Variants in RBFOX1 observed in about 807,000 individuals in gnomAD.
RBFOX1 encodes RNA binding protein fox-1 homolog 1.
Under a neutral mutation model 57.7 loss-of-function variants are expected in RBFOX1, and 8 were observed. The observed-to-expected ratio is 0.14, with a 90% CI of 0.08 to 0.25. The LOEUF is 0.25. Among genes scored for constraint, RBFOX1 ranks in the 10% least tolerant of loss-of-function variants. The pLI is 1.00. For missense variants in RBFOX1, 611 were observed against 548.5 expected (o/e 1.11, Z -1.14); for synonymous variants, 326 against 222.4 (o/e 1.47, Z -4.15).
intron 2 of RBFOX1, among the ~76,000 whole-genome samples, chr16:6,440,305 A>G (rs2153024855): frequency 6.6e-6 from 1 of 152,248 alleles, no homozygotes; most frequent in Non-Finnish European, 1.5e-5. Flanking sequence ...GATATTGAAG[A>G]GAAAATAAAG....
In RBFOX1 at chr16:6,173,487, C is replaced by T. The variant is rs1025539230; in HGVS notation, c.-126-143508C>T. 2.0e-5 allele frequency among the ~76,000 whole-genome samples: 3 copies of T among 152,080 alleles called. No individual in the cohort carries two copies. The East Asian group carries it at 5.8e-4, about 29-fold the overall frequency. On this transcript the variant is annotated intron_variant, in intron 1 of 15. Transcript: ENST00000550418. Reference sequence around the variant, plus strand: ...CACACATAGACACACACACACTCCACTCACCAGTGGATATTGTTTCTAGAT... The same window carrying T: ...CACACATAGACACACACACACTCCATTCACCAGTGGATATTGTTTCTAGAT...
chr16:5,719,521 T>C (rs1449573756), intron 3 of RBFOX1, among the ~76,000 whole-genome samples: 1 of 151,986 alleles, frequency 6.6e-6, no homozygotes, highest in East Asian at 1.9e-4. Context: ...TTTTTTATTA[T>C]TAACCAAAAT....
At chr16:5,977,942 C>G (rs1229378112) in intron 4 of RBFOX1, among the ~76,000 whole-genome samples, 4 of 151,694 alleles carry the variant, frequency 2.6e-5, no homozygotes, top group African/African-American at 9.7e-5. Flanking sequence ...TCCATGATAT[C>G]CAGACATTGC....
At chr16:7,550,978 C>T (rs2086230859) in intron 5 of RBFOX1, among the ~76,000 whole-genome samples, 1 of 150,730 alleles carries the variant, frequency 6.6e-6, no homozygotes, top group African/African-American at 2.4e-5. Context: ...CCTGTAATCC[C>T]AGCTACTCAG....
intron 1 of RBFOX1, among the ~76,000 whole-genome samples, chr16:6,102,318 G>A (rs998337077): frequency 4.8e-4 from 73 of 152,008 alleles, no homozygotes; most frequent in African/African-American, 1.7e-3. Context: ...CATTAGGTCT[G>A]TAGTAAGAGT....
At chr16:5,547,106 C>G (rs948439269) in intron 2 of RBFOX1, among the ~76,000 whole-genome samples, 7 of 152,162 alleles carry the variant, frequency 4.6e-5, no homozygotes, top group African/African-American at 1.7e-4. Flanking sequence ...CACACCAAGT[C>G]TTGGCAAGGA....
At chr16:6,847,835 C>T (rs888395983) in intron 3 of RBFOX1, among the ~76,000 whole-genome samples, 5 of 151,900 alleles carry the variant, frequency 3.3e-5, no homozygotes, top group African/African-American at 9.7e-5. Flanking sequence ...CCAAGACTTC[C>T]TTTTGGTGGT....
intron 4 of RBFOX1, among the ~76,000 whole-genome samples, chr16:7,274,538 C>G (rs1046166202): frequency 3.9e-5 from 6 of 152,114 alleles, no homozygotes; most frequent in Admixed American, 1.3e-4. Context: ...CTGCTCTGTA[C>G]TTGCTTCTGA....
intron 1 of RBFOX1, among the ~76,000 whole-genome samples, chr16:5,339,894 G>T (rs1217634988): frequency 6.6e-6 from 1 of 152,138 alleles, no homozygotes; most frequent in East Asian, 1.9e-4. Context: ...GGCTGCAGAG[G>T]TCATGGGAGG....
chr16:5,538,966 G>A (rs953337841), intron 2 of RBFOX1, among the ~76,000 whole-genome samples: 1 of 152,114 alleles, frequency 6.6e-6, no homozygotes, highest in African/African-American at 2.4e-5. Context: ...AGCCAATCGT[G>A]TGAAACCCAT....
chr16:6,581,438 C>T (rs902704674), intron 2 of RBFOX1, among the ~76,000 whole-genome samples: 2 of 152,172 alleles, frequency 1.3e-5, no homozygotes, highest in Non-Finnish European at 2.9e-5. Flanking sequence ...TTCCTTCCCC[C>T]AGCTGTGTTG....
At chr16:7,564,299 G>T (rs1177748995) in intron 5 of RBFOX1, among the ~76,000 whole-genome samples, 1 of 151,952 alleles carries the variant, frequency 6.6e-6, no homozygotes, top group East Asian at 1.9e-4. Context: ...CAGCACTTTG[G>T]GACGCAGAGG....
In RBFOX1 at chr16:7,538,348, T is replaced by C. The variant is rs528757177; in HGVS notation, c.270+19959T>C. The stretch of plus-strand genomic sequence containing the variant: ...CATTAGCCCATAGCTGCTACTATTA[T>C]GCTACTTTTCCTATGGTGTCCACTG... On this transcript the variant is annotated intron_variant, in intron 5 of 15. Transcript: ENST00000550418. Among the ~76,000 whole-genome samples the C allele has an allele frequency of 9.2e-5, 14 of 152,328 alleles. No homozygotes were observed. The South Asian group carries it at 2.7e-3, about 29-fold the overall frequency.
chr16:7,128,909 C>T (rs981659104), intron 4 of RBFOX1, among the ~76,000 whole-genome samples: 2 of 150,814 alleles, frequency 1.3e-5, no homozygotes, highest in East Asian at 2.0e-4. Flanking sequence ...CAACCTCCGC[C>T]TCCTGGGTTC....
chr16:6,976,351 C>G (rs1355484531), intron 3 of RBFOX1, among the ~76,000 whole-genome samples: 1 of 152,154 alleles, frequency 6.6e-6, no homozygotes, highest in African/African-American at 2.4e-5. Context: ...CTTGTTCTAG[C>G]ATTCAGTCCT....
intron 3 of RBFOX1, among the ~76,000 whole-genome samples, chr16:5,836,177 G>C (rs2056450678): frequency 6.6e-6 from 1 of 152,196 alleles, no homozygotes; most frequent in Non-Finnish European, 1.5e-5. Flanking sequence ...CAGCACCAAG[G>C]GGGACATGGG....
At chr16:6,988,751 G>GTTTTT (rs1491218767) in intron 3 of RBFOX1, among the ~76,000 whole-genome samples, 1 of 54,710 alleles carries the variant, frequency 1.8e-5, no homozygotes, top group African/African-American at 4.6e-5. Context: ...TTGTTTGTTT[G>GTTTTT]TTTTTTGTTT....
intron 4 of RBFOX1, chr16:7,510,280 A>G (rs969760986): frequency 2.0e-6 from 2 of 985,784 alleles, no homozygotes; most frequent in Non-Finnish European, 2.4e-6. Context: ...TGCTAAGTTT[A>G]TGGAGGAGAA....
At chr16:6,966,479 T>C (rs1236993884) in intron 3 of RBFOX1, among the ~76,000 whole-genome samples, 1 of 152,076 alleles carries the variant, frequency 6.6e-6, no homozygotes, top group Non-Finnish European at 1.5e-5. Flanking sequence ...CCACGGAGCA[T>C]GATCACAGTA....
Sources: allele counts gnomAD v4.1 joint callset (sites outside exome capture counted in the v4.1 genomes callset), GRCh38; gene constraint gnomAD v4.1.1; transcripts MANE v1.5; gene names NCBI Gene and HGNC (gene_info 2026-07-23, HGNC 2026-07-21).